RALGPS2: variants seen among roughly 807,000 people sequenced by gnomAD.
The protein encoded by RALGPS2 is Ral GEF with PH domain and SH3 binding motif 2.
RALGPS2 carries 43 observed loss-of-function variants against 86.8 expected under a neutral mutation model. The observed-to-expected ratio is 0.50, with a 90% CI of 0.39 to 0.64. RALGPS2 has a LOEUF of 0.64. Ranked by LOEUF, RALGPS2 falls within the 30% of genes least tolerant of loss-of-function variation. The pLI is 0.00. For synonymous variants in RALGPS2, 243 were observed against 231.3 expected (o/e 1.05, Z -0.46); for missense variants, 536 against 694.6 (o/e 0.77, Z 2.57).
At chr1:178,874,759 G>A (rs6425502) in intron 8 of RALGPS2, among the ~76,000 whole-genome samples, 70,939 of 151,910 alleles carry the variant, frequency 0.47, 17,959 homozygotes, top group African/African-American at 0.66. Flanking sequence ...TGTTTATTAT[G>A]TTGTTTGATA....
chr1:178,747,170 A>G, intron 1 of RALGPS2: 1 of 1,025,484 alleles, frequency 9.8e-7, no homozygotes. Flanking sequence ...TACCAGAGAG[A>G]AGGTGCTGGA....
At chr1:178,795,472 G>A (rs765350008) in intron 4 of RALGPS2, among the ~76,000 whole-genome samples, 10 of 152,012 alleles carry the variant, frequency 6.6e-5, no homozygotes, top group Non-Finnish European at 1.5e-4. Flanking sequence ...GAGTGCAGTG[G>A]TGCGATCTTG....
rs573068374 is a variant in RALGPS2 at position 178,895,964 on chromosome 1, T to C, written c.1432-1700T>C. Among the ~76,000 whole-genome samples, 365 of 152,082 alleles carry C rather than the reference T, an allele frequency of 2.4e-3. 1 individual carries two copies. Among genetic ancestry groups the C allele is most frequent in the African/African-American group, 8.4e-3 (349 of 41,492 alleles). On this transcript the variant is annotated intron_variant, in intron 16 of 19. Transcript: ENST00000367635. ...AAATATGGAACTGGATGATAGATTA[T>C]CTAAGAAGAAAGTATAGCTAGAGAA...
At chr1:178,902,815 C>T (rs1330552547) in intron 18 of RALGPS2, among the ~76,000 whole-genome samples, 1 of 152,030 alleles carries the variant, frequency 6.6e-6, no homozygotes, top group East Asian at 1.9e-4. Context: ...TTCTTTTAAT[C>T]CATAAGCAGC....
intron 6 of RALGPS2, among the ~76,000 whole-genome samples, 157 bp from the exon 7 acceptor site, chr1:178,821,455 G>GTT (rs1655500386): frequency 6.6e-6 from 1 of 152,176 alleles, no homozygotes; most frequent in South Asian, 2.1e-4. Context: ...AAATAACTTA[G>GTT]TGTAAACACA....
At chr1:178,803,751 A>T (rs954142692) in intron 4 of RALGPS2, among the ~76,000 whole-genome samples, 7 of 152,196 alleles carry the variant, frequency 4.6e-5, no homozygotes, top group Non-Finnish European at 1.5e-5. Context: ...TTTTAGATTT[A>T]AAAAGGCAGT....
At position 178,885,282 on chromosome 1, in the gene RALGPS2, T is replaced by A. The variant is rs534812500; in HGVS notation, c.1040+71T>A. On this transcript the variant is annotated intron_variant, in intron 12 of 19. Coordinates refer to ENST00000367635, the MANE Select transcript of RALGPS2 (RefSeq NM_152663.5). ...ATTGGATTTATTGTCGATTTATTAG[T>A]TCAGTAGAAAATGGTATCCTTGAAT... The A allele has an allele frequency of 1.1e-4, 159 of 1,446,178 alleles. 2 individuals are homozygous for A. In the South Asian group the frequency reaches 2.0e-3, roughly 18 times the overall value. 89.6% of individuals were successfully genotyped at this position (1,446,178 alleles called of 1,614,324 possible).
intron 8 of RALGPS2, among the ~76,000 whole-genome samples, chr1:178,859,993 T>A: frequency 6.6e-6 from 1 of 151,904 alleles, no homozygotes; most frequent in Non-Finnish European, 1.5e-5. Flanking sequence ...CTTCTACCTG[T>A]ACCCCCTCAT....
chr1:178,826,616 A>G (rs1257041957), intron 7 of RALGPS2, among the ~76,000 whole-genome samples: 1 of 152,144 alleles, frequency 6.6e-6, no homozygotes, highest in Admixed American at 6.5e-5. Context: ...AAGATGAAAA[A>G]CTTTTGGATA....
At chr1:178,861,964 C>G (rs938189567) in intron 8 of RALGPS2, among the ~76,000 whole-genome samples, 1 of 152,034 alleles carries the variant, frequency 6.6e-6, no homozygotes, top group Admixed American at 6.5e-5. Context: ...CCTCCGCCCC[C>G]CAGGTTCAAG....
chr1:178,816,164 T>A (rs1055433774), intron 6 of RALGPS2, among the ~76,000 whole-genome samples: 3 of 152,232 alleles, frequency 2.0e-5, no homozygotes, highest in South Asian at 4.1e-4. Context: ...TTTTCCAACA[T>A]AACCCGGTTG....
intron 1 of RALGPS2, among the ~76,000 whole-genome samples, chr1:178,734,870 TG>T (rs1650584148): frequency 6.6e-6 from 1 of 152,216 alleles, no homozygotes; most frequent in African/African-American, 2.4e-5. Flanking sequence ...GAACTATAAA[TG>T]TTAAAAATGT....
intron 16 of RALGPS2, among the ~76,000 whole-genome samples, chr1:178,896,277 C>A (rs1347029460): frequency 2.0e-5 from 3 of 151,922 alleles, no homozygotes; most frequent in Non-Finnish European, 4.4e-5. Flanking sequence ...TAGAGACACC[C>A]TTGCAAGAAG....
intron 11 of RALGPS2, 77 bp from the exon 12 acceptor site, chr1:178,884,999 A>G: frequency 7.1e-7 from 1 of 1,412,154 alleles, no homozygotes; most frequent in East Asian, 2.4e-5. Flanking sequence ...CAAAATTTGA[A>G]CCACATTTAA....
At chr1:178,871,573 A>T (rs1658760854) in intron 8 of RALGPS2, among the ~76,000 whole-genome samples, 1 of 152,218 alleles carries the variant, frequency 6.6e-6, no homozygotes, top group Non-Finnish European at 1.5e-5. Flanking sequence ...ATGTTGTTGT[A>T]GTATGTTATG....
At chr1:178,772,255 A>G (rs1308617355) in intron 1 of RALGPS2, among the ~76,000 whole-genome samples, 1 of 152,220 alleles carries the variant, frequency 6.6e-6, no homozygotes, top group Non-Finnish European at 1.5e-5. Flanking sequence ...CTTATTGCAA[A>G]TATAGGCTAT....
At chr1:178,775,609 T>C (rs1244087557) in intron 1 of RALGPS2, among the ~76,000 whole-genome samples, 1 of 152,150 alleles carries the variant, frequency 6.6e-6, no homozygotes, top group Non-Finnish European at 1.5e-5. Flanking sequence ...TACTCTGACT[T>C]CCAGTAAAGT....
At chr1:178,758,471 T>A (rs1652062021) in intron 1 of RALGPS2, among the ~76,000 whole-genome samples, 1 of 152,178 alleles carries the variant, frequency 6.6e-6, no homozygotes, top group Non-Finnish European at 1.5e-5. Flanking sequence ...CCTGTAGTGC[T>A]ATCAAATACT....
In RALGPS2 at chr1:178,845,689, G is replaced by T. The variant is rs548716002; in HGVS notation, c.607+12139G>T. Among the ~76,000 whole-genome samples the T allele has an allele frequency of 1.7e-4, 26 of 151,886 alleles. 1 individual carries two copies. The highest frequency in any genetic ancestry group is 1.6e-3 in the Admixed American group (25 of 15,256). On this transcript the variant is annotated intron_variant, in intron 8 of 19. Coordinates refer to ENST00000367635, the MANE Select transcript of RALGPS2 (RefSeq NM_152663.5). ...TCCTTACCCACCCCTGATTTTTTTT[G>T]TTGTTGTTATTTTGTTTTGTTTTTG...
Sources: allele counts gnomAD v4.1 joint callset (sites outside exome capture counted in the v4.1 genomes callset), GRCh38; gene constraint gnomAD v4.1.1; transcripts MANE v1.5; gene names NCBI Gene and HGNC (gene_info 2026-07-23, HGNC 2026-07-21).